IRX2: variants seen among roughly 807,000 people sequenced by gnomAD.
IRX2 encodes the protein iroquois-class homeodomain protein IRX-2.
IRX2 carries 26 observed loss-of-function variants against 42.9 expected under a neutral mutation model. That is an observed-to-expected ratio of 0.61 (90% CI 0.44 to 0.84). IRX2 has a LOEUF of 0.84. Among genes scored for constraint, IRX2 ranks in the 40% least tolerant of loss-of-function variants. IRX2 has a pLI of 0.00. For synonymous variants in IRX2, 424 were observed against 353.9 expected, an observed-to-expected ratio of 1.20 and a Z score of -2.22; for missense variants, 782 against 713.9, an observed-to-expected ratio of 1.10 and a Z score of -1.09.
rs1737660528 is a variant in IRX2, at chr5:2,746,191, T to C, written c.*1373A>G. On this transcript the variant is annotated 3_prime_UTR_variant, in exon 4 of 4. Transcript: ENST00000302057. Reference sequence around the variant, plus strand: ...TATTGTAGACTAGTCTGTTTTTATTTACAATTTAAGATATAAATTAGTAAA... The same window carrying C: ...TATTGTAGACTAGTCTGTTTTTATTCACAATTTAAGATATAAATTAGTAAA... 6.6e-6 allele frequency: 1 copy of C among 152,172 alleles called. No homozygotes were observed. The highest frequency in any genetic ancestry group is 1.9e-4 in the East Asian group (1 of 5,192). 9.4% of individuals were successfully genotyped at this position (152,172 alleles called of 1,614,324 possible). A position where few individuals can be genotyped will look rare whatever the true frequency, so the allele number is the denominator to read the frequency against.
Position 2,748,523 on chromosome 5 carries a change from G to A in IRX2, c.1185C>T (p.Tyr395=), listed in dbSNP as rs551821672. The A allele has an allele frequency of 6.3e-7, 1 of 1,580,646 alleles. No homozygotes were observed. The highest frequency in any genetic ancestry group is 1.4e-5 in the African/African-American group (1 of 71,128). ...CCTGCAGCGCCGCGTTCAAGTTCCC[G>A]TAGTTTGTGTAGTTGCCGTAGAAGG... ...TSPFYGNYTN[Y]GNLNAALQGQ... Residue 395 remains tyrosine, a synonymous_variant, in exon 3 of 4, where the codon TAC becomes TAT. Transcript: ENST00000302057.
intron 1 of IRX2, among the ~76,000 whole-genome samples, chr5:2,750,536 G>C (rs576924278): frequency 6.6e-6 from 1 of 152,342 alleles, no homozygotes; most frequent in South Asian, 2.1e-4. Context: ...GCTGCGCTCG[G>C]GCCACGGAGG....
At chr5:2,738,968 G>C in the IRX2 span, among the ~76,000 whole-genome samples, 4 of 152,176 alleles carry the variant, frequency 2.6e-5, no homozygotes, top group South Asian at 2.1e-4. Flanking sequence ...GCCTACTGTG[G>C]GATGGGACTC....
At chr5:2,744,084 GT>G (rs1737606020), downstream of IRX2, among the ~76,000 whole-genome samples, 1 of 146,662 alleles carries the variant, frequency 6.8e-6, no homozygotes, top group Non-Finnish European at 1.5e-5. Context: ...GTGTGTGTGT[GT>G]GTGTGTGTGT....
At chr5:2,748,031 C>A (rs545181446) in intron 3 of IRX2, among the ~76,000 whole-genome samples, 1 of 152,182 alleles carries the variant, frequency 6.6e-6, no homozygotes. Context: ...CACACCCAGG[C>A]TCATTAGGGC....
At chr5:2,738,526 G>C in the IRX2 span, among the ~76,000 whole-genome samples, 1 of 152,138 alleles carries the variant, frequency 6.6e-6, no homozygotes, top group African/African-American at 2.4e-5. Context: ...TTGTCCTCCC[G>C]GCCGCCTCTT....
downstream of IRX2, among the ~76,000 whole-genome samples, chr5:2,742,968 G>A (rs142636685): frequency 1.4e-3 from 210 of 152,326 alleles, 1 homozygote; most frequent in African/African-American, 4.8e-3. Flanking sequence ...CACGGGCTTC[G>A]GAGGTGGCTA....
At chr5:2,741,273 C>T (rs531211745), downstream of IRX2, among the ~76,000 whole-genome samples, 4 of 152,344 alleles carry the variant, frequency 2.6e-5, 1 homozygote, top group South Asian at 6.2e-4. Flanking sequence ...GGCCTCAGAC[C>T]TGTGGCTGCT....
intron 1 of IRX2, among the ~76,000 whole-genome samples, chr5:2,750,460 G>T (rs1278098948): frequency 1.3e-5 from 2 of 152,204 alleles, no homozygotes; most frequent in African/African-American, 4.8e-5. Flanking sequence ...CTTCGCCGCG[G>T]CCCGGGCCTG....
At position 2,747,484 on chromosome 5, in the gene IRX2, G is replaced by A; in HGVS notation, c.*80C>T. On this transcript the variant is annotated 3_prime_UTR_variant, in exon 4 of 4. Coordinates refer to ENST00000302057, the MANE Select transcript of IRX2 (RefSeq NM_033267.5). Reference sequence around the variant, plus strand: ...ACCAGAAGCAAGAAAAACACATTAAGCAAGTTGGTGCTGGGAGGCTCCACA... The same window carrying A: ...ACCAGAAGCAAGAAAAACACATTAAACAAGTTGGTGCTGGGAGGCTCCACA... 2.5e-6 allele frequency: 3 copies of A among 1,221,966 alleles called. No individual in the cohort carries two copies. Among genetic ancestry groups the A allele is most frequent in the East Asian group, 4.7e-5 (2 of 42,276 alleles). 75.7% of individuals were successfully genotyped at this position (1,221,966 alleles called of 1,614,324 possible).
chr5:2,743,165 C>T (rs1737579251), downstream of IRX2, among the ~76,000 whole-genome samples: 1 of 152,196 alleles, frequency 6.6e-6, no homozygotes, highest in Admixed American at 6.5e-5. Context: ...GGCTGGCTAC[C>T]CTGAGCCCAG....
chr5:2,742,722 A>G (rs1279333409), downstream of IRX2, among the ~76,000 whole-genome samples: 2 of 152,220 alleles, frequency 1.3e-5, no homozygotes, highest in Non-Finnish European at 2.9e-5. Context: ...TGTTACTTGG[A>G]TGAAACTTTC....
Position 2,749,806 on chromosome 5 carries a change from TG to T in IRX2, c.250-20del. The T allele has an allele frequency of 1.3e-6, 2 of 1,579,950 alleles. No individual in the cohort carries two copies. The highest frequency in any genetic ancestry group is 1.7e-6 in the Non-Finnish European group (2 of 1,164,362). On this transcript the variant is annotated intron_variant, in intron 1 of 3. Coordinates refer to ENST00000302057, the MANE Select transcript of IRX2 (RefSeq NM_033267.5). Reference sequence around the variant, plus strand: ...GTGCGCCCTGGAACCAACAAGAGCCTGTGAGTGGAGTATGCGGAGACCCCGC... The same window carrying T: ...GTGCGCCCTGGAACCAACAAGAGCCTTGAGTGGAGTATGCGGAGACCCCGC...
the IRX2 span, chr5:2,737,388 C>A: frequency 0.6 from 92,000 of 152,082 alleles, 28,387 homozygotes; most frequent in South Asian, 0.74. Flanking sequence ...GGACAGAGGG[C>A]GGAGACAGGC....
At chr5:2,743,068 A>G (rs1279704258), downstream of IRX2, among the ~76,000 whole-genome samples, 6 of 152,134 alleles carry the variant, frequency 3.9e-5, no homozygotes, top group Non-Finnish European at 8.8e-5. Flanking sequence ...GCCTCAGGGG[A>G]ACCCCGAGCC....
chr5:2,747,624 G>C lies in IRX2; in HGVS notation c.1364-8C>G. ...TGCAGCCCTCGCTGGCATCTGTCAG[G>C]GGAGTGGGCAGTTAGTCAGAACCGA... On this transcript the variant is annotated splice_region_variant and splice_polypyrimidine_tract_variant and intron_variant, in intron 3 of 3. Transcript: ENST00000302057. The C allele has an allele frequency of 6.2e-7, 1 of 1,613,828 alleles. No homozygotes were observed. Among genetic ancestry groups the C allele is most frequent in the East Asian group, 2.2e-5 (1 of 44,882 alleles).
chr5:2,750,874 C>T (rs556942412), intron 1 of IRX2, among the ~76,000 whole-genome samples: 7 of 152,278 alleles, frequency 4.6e-5, no homozygotes, highest in Admixed American at 2.0e-4. Context: ...CCGGCCCCGG[C>T]GGAGACGCAC....
Position 2,747,322 on chromosome 5 carries a change from T to A in IRX2, c.*242A>T, listed in dbSNP as rs201221127. The A allele has an allele frequency of 0.4, 127,189 of 316,598 alleles. 26,978 individuals carry two copies. The highest frequency in any genetic ancestry group is 0.46 in the South Asian group (7,884 of 17,040). 19.6% of individuals were successfully genotyped at this position (316,598 alleles called of 1,614,324 possible). A position where few individuals can be genotyped will look rare whatever the true frequency, so the allele number is the denominator to read the frequency against. On this transcript the variant is annotated 3_prime_UTR_variant, in exon 4 of 4. Coordinates refer to ENST00000302057, the MANE Select transcript of IRX2 (RefSeq NM_033267.5). ...ACACACACACATATATATATATATTTTTTTTTTCCTTCCCTAGGTAAAGGA... is the reference window on the plus strand; with the variant it reads ...ACACACACACATATATATATATATTATTTTTTTCCTTCCCTAGGTAAAGGA...
At chr5:2,740,604 C>A in the IRX2 span, among the ~76,000 whole-genome samples, 1 of 152,196 alleles carries the variant, frequency 6.6e-6, no homozygotes, top group Non-Finnish European at 1.5e-5. Flanking sequence ...AGGCAAAACA[C>A]GTAGGCCTGG....
Sources: allele counts gnomAD v4.1 joint callset (sites outside exome capture counted in the v4.1 genomes callset), GRCh38; gene constraint gnomAD v4.1.1; transcripts MANE v1.5; gene names NCBI Gene and HGNC (gene_info 2026-07-23, HGNC 2026-07-21).